Variants in UTY observed in about 807,000 individuals in gnomAD.
UTY encodes ubiquitously transcribed tetratricopeptide repeat containing, Y-linked.
A neutral mutation model predicts 32.5 loss-of-function variants in UTY; 12 were observed. That is an observed-to-expected ratio of 0.37 (90% CI 0.24 to 0.60). The LOEUF is 0.60. Among genes scored for constraint, UTY ranks in the 20% least tolerant of loss-of-function variants. The pLI, the probability that UTY is intolerant of heterozygous loss-of-function variation, is 0.69. For missense variants in UTY, 303 were observed against 299.2 expected (o/e 1.01, Z -0.09); for synonymous variants, 131 against 103.4 (o/e 1.27, Z -1.62).
chrY:13,343,112 T>A, intron 17 of UTY, among the ~76,000 whole-genome samples: 1 of 33,054 alleles, frequency 3.0e-5, no homozygotes, highest in African/African-American at 1.2e-4. Context: ...CGTGTATATC[T>A]ATGAAAGAAA....
intron 10 of UTY, among the ~76,000 whole-genome samples, chrY:13,364,808 T>C (rs928311986): frequency 3.0e-5 from 1 of 33,819 alleles, no homozygotes; most frequent in Non-Finnish European, 7.3e-5. Context: ...ACATAAATAT[T>C]ATACCAGTAG....
intron 4 of UTY, among the ~76,000 whole-genome samples, chrY:13,423,262 C>G: frequency 3.0e-5 from 1 of 33,300 alleles, no homozygotes; most frequent in Non-Finnish European, 7.4e-5. Context: ...CTGCCAGAAA[C>G]CACAGGGTAA....
intron 27 of UTY, among the ~76,000 whole-genome samples, chrY:13,266,024 G>T (rs370689624): frequency 1.5e-4 from 5 of 33,173 alleles, no homozygotes; most frequent in South Asian, 6.8e-4. Context: ...TTATGTGATG[G>T]ATTACGTTTA....
At chrY:13,370,828 C>A (rs2064837434) in intron 8 of UTY, among the ~76,000 whole-genome samples, 1 of 32,249 alleles carries the variant, frequency 3.1e-5, no homozygotes, top group African/African-American at 1.2e-4. Context: ...GTGGGTGGAT[C>A]GCTTCAGCCC....
chrY:13,250,386 T>C, intron 29 of UTY, among the ~76,000 whole-genome samples: 2 of 34,164 alleles, frequency 5.9e-5, no homozygotes, highest in African/African-American at 1.1e-4. Flanking sequence ...TTTTTCATCA[T>C]TTAGTGAACA....
intron 4 of UTY, among the ~76,000 whole-genome samples, chrY:13,445,167 A>G (rs2075584135): frequency 3.9e-5 from 1 of 25,780 alleles, no homozygotes; most frequent in Non-Finnish European, 8.8e-5. Flanking sequence ...AAAAAAAAAA[A>G]AAAAGAAAAA....
Position 13,306,246 on chromosome Y carries a change from T to C in UTY, c.3281A>G (p.Glu1094Gly). The C allele has an allele frequency of 2.6e-6, 1 of 391,142 alleles. No individual in the cohort carries two copies. Among genetic ancestry groups the C allele is most frequent in the Non-Finnish European group, 3.6e-6 (1 of 277,677 alleles). ...ASSFQESLRE[E>G]NEKRTQHKDH... is the part of the protein sequence containing the mutation. ...TTTGTGTTGTGTTCTTTTCTCATTT[T>C]CTTCCTTCAGGTTAAGAAAAAAATA... Residue 1094 changes from glutamate (E) to glycine (G), a missense_variant, in exon 22 of 30, where the codon GAA (glutamate) becomes GGA (glycine). Glu to Gly is a moderately conservative substitution (Grantham distance 98). Transcript: ENST00000545955.
At position 13,414,761 on chromosome Y, in the gene UTY, G is replaced by A; in HGVS notation, c.408C>T (p.Val136=). Residue 136 remains valine (V), a synonymous_variant, in exon 5 of 30, where the codon GTC becomes GTT. Coordinates refer to ENST00000545955, the MANE Select transcript of UTY (RefSeq NM_001258249.2). ...AATGAAATGCATTGTAGTAGAAGTAGACCAAACCAAGGCCATATAAAAACG... is the reference window on the plus strand; with the variant it reads ...AATGAAATGCATTGTAGTAGAAGTAAACCAAACCAAGGCCATATAAAAACG... The part of the protein sequence containing the change: ...NAAFLYGLGL[V]YFYYNAFHWA... The A allele has an allele frequency of 2.6e-6, 1 of 388,583 alleles. No homozygotes were observed. Among genetic ancestry groups the A allele is most frequent in the Non-Finnish European group, 3.6e-6 (1 of 278,327 alleles).
chrY:13,272,010 C>A, intron 27 of UTY, among the ~76,000 whole-genome samples: 1 of 33,587 alleles, frequency 3.0e-5, no homozygotes, highest in Non-Finnish European at 7.4e-5. Context: ...ACAGATTCTT[C>A]CTTACAATTG....
intron 10 of UTY, among the ~76,000 whole-genome samples, chrY:13,365,360 C>T (rs2063981933): frequency 4.1e-5 from 1 of 24,661 alleles, no homozygotes; most frequent in African/African-American, 1.6e-4. Flanking sequence ...TGCAGTGAGC[C>T]GAGATCATGC....
chrY:13,432,267 T>C (rs1007877672), intron 4 of UTY, among the ~76,000 whole-genome samples: 14 of 33,664 alleles, frequency 4.2e-4, no homozygotes, highest in African/African-American at 1.5e-3. Context: ...GATCATGAAG[T>C]GTCAGATCAG....
intron 15 of UTY, among the ~76,000 whole-genome samples, chrY:13,356,917 A>C: frequency 6.2e-5 from 2 of 32,518 alleles, no homozygotes; most frequent in South Asian, 1.4e-3. Flanking sequence ...TCAAAGACAA[A>C]GCTATTTAGC....
chrY:13,391,942 C>T, intron 8 of UTY, among the ~76,000 whole-genome samples: 1 of 33,195 alleles, frequency 3.0e-5, no homozygotes, highest in East Asian at 7.9e-4. Context: ...GAGGCTGAAG[C>T]GTGAGGATCA....
chrY:13,480,208 G>C, upstream of UTY: 1 of 36,912 alleles, frequency 2.7e-5, no homozygotes, highest in Non-Finnish European at 6.6e-5. Flanking sequence ...GGTAGTCTCT[G>C]GGATGGAACA....
Position 13,326,240 on chromosome Y carries a change from G to A in UTY, c.2945C>T (p.Pro982Leu). ...YPPLPKDKLN[P>L]PTPSIYLENK... ...ACTCACGTAAATACTAGGTGTGGGT[G>A]GATTCAACTTGTCCTTTGGCAAGGG... is the stretch of plus-strand genomic sequence containing the variant. The change falls in exon 19 of 30, where the codon CCA becomes CTA. Residue 982 changes from proline to leucine, a missense_variant. Pro to Leu is a moderately conservative substitution (Grantham distance 98). Transcript: ENST00000545955. 1 of 397,697 alleles carries A rather than the reference G, an allele frequency of 2.5e-6. No individual in the cohort carries two copies. Among genetic ancestry groups the A allele is most frequent in the Non-Finnish European group, 3.5e-6 (1 of 282,952 alleles).
chrY:13,269,042 A>G, intron 27 of UTY, among the ~76,000 whole-genome samples: 1 of 33,237 alleles, frequency 3.0e-5, no homozygotes, highest in Non-Finnish European at 7.4e-5. Flanking sequence ...CCCTTAGCAG[A>G]GCTTGAGCAC....
chrY:13,319,400 T>G (rs766230605), intron 21 of UTY, among the ~76,000 whole-genome samples: 1 of 33,586 alleles, frequency 3.0e-5, no homozygotes, highest in South Asian at 6.5e-4. Context: ...GTTATAGAGC[T>G]TTGACTCCTG....
At chrY:13,270,292 A>T in intron 27 of UTY, among the ~76,000 whole-genome samples, 1 of 33,341 alleles carries the variant, frequency 3.0e-5, no homozygotes, top group African/African-American at 1.2e-4. Flanking sequence ...GAGCACGTAC[A>T]TTTTGATTTT....
At chrY:13,393,136 AC>A (rs2067757158) in intron 8 of UTY, 1 of 33,497 alleles carries the variant, frequency 3.0e-5, no homozygotes, top group African/African-American at 1.2e-4. Flanking sequence ...ACCATGCCCA[AC>A]ATGGTTATTA....
Sources: gnomAD v4.1 joint callset for allele counts (sites outside exome capture counted in the v4.1 genomes callset) on GRCh38, gnomAD v4.1.1 for gene constraint, MANE v1.5 for transcripts, NCBI Gene and HGNC (gene_info 2026-07-23, HGNC 2026-07-21) for gene names.